FCF1: variants seen among roughly 807,000 people sequenced by gnomAD.
The protein encoded by FCF1 is FCF1 rRNA-processing protein, also known as rRNA-processing protein FCF1 homolog.
Under a neutral mutation model 32.5 loss-of-function variants are expected in FCF1, and 17 were observed. The observed-to-expected ratio is 0.52, with a 90% CI of 0.36 to 0.78. The LOEUF (loss-of-function observed/expected upper bound fraction) is 0.78. Among genes scored for constraint, FCF1 ranks in the 30% least tolerant of loss-of-function variants. The pLI, the probability that FCF1 is intolerant of heterozygous loss-of-function variation, is 0.00. For synonymous variants in FCF1, 84 were observed against 78.4 expected, an observed-to-expected ratio of 1.07 and a Z score of -0.38; for missense variants, 201 against 241.1, an observed-to-expected ratio of 0.83 and a Z score of 1.10.
chr14:74,718,913 G>T (rs549015137), intron 4 of FCF1, among the ~76,000 whole-genome samples: 8 of 151,840 alleles, frequency 5.3e-5, no homozygotes, highest in African/African-American at 1.9e-4. Flanking sequence ...TAATCCTAGT[G>T]CTTTTCAGGA....
intron 6 of FCF1, 131 bp from the exon 7 acceptor site, chr14:74,733,945 T>C: frequency 3.3e-6 from 2 of 602,030 alleles, no homozygotes; most frequent in South Asian, 2.3e-5. Context: ...AACAAATTGT[T>C]ATAGCCTGCC....
chr14:74,713,208 A>T lies in FCF1; in HGVS notation c.3+8A>T, dbSNP rs1411405353. On this transcript the variant is annotated splice_region_variant and intron_variant, in intron 1 of 7. Coordinates refer to ENST00000341162, the MANE Select transcript of FCF1 (RefSeq NM_015962.5). Reference sequence around the variant, plus strand: ...GAGTTTGGCGTGACCATGGTGAGAGAAGACGGTCCAAGAAGGGACGTTATC... The same window carrying T: ...GAGTTTGGCGTGACCATGGTGAGAGTAGACGGTCCAAGAAGGGACGTTATC... 7 of 1,614,224 alleles carry T rather than the reference A, an allele frequency of 4.3e-6. No individual in the cohort carries two copies. Among genetic ancestry groups the T allele is most frequent in the Non-Finnish European group, 3.4e-6 (4 of 1,180,052 alleles).
At position 74,723,351 on chromosome 14, in the gene FCF1, A is replaced by G; in HGVS notation, c.365+7A>G. The G allele has an allele frequency of 2.5e-6, 4 of 1,605,988 alleles. No homozygotes were observed. The highest frequency in any genetic ancestry group is 3.4e-6 in the Non-Finnish European group (4 of 1,172,954). On this transcript the variant is annotated splice_region_variant and intron_variant, in intron 5 of 7. Transcript: ENST00000341162. ...AGTATCGAGTGGCTCTAAGGTAGGAAGGAGGTAAACTAGATCTGTTCTAGA... is the reference window on the plus strand; with the variant it reads ...AGTATCGAGTGGCTCTAAGGTAGGAGGGAGGTAAACTAGATCTGTTCTAGA...
rs374933791 is a variant in FCF1 at position 74,736,749 on chromosome 14, G to A, written c.*1819G>A. 15 of 151,986 alleles carry A rather than the reference G, an allele frequency of 9.9e-5. No individual in the cohort carries two copies. Among genetic ancestry groups the A allele is most frequent in the African/African-American group, 2.9e-4 (12 of 41,454 alleles). 9.4% of individuals were successfully genotyped at this position (151,986 alleles called of 1,614,324 possible). A position where few individuals can be genotyped will look rare whatever the true frequency, so the allele number is the denominator to read the frequency against. On this transcript the variant is annotated 3_prime_UTR_variant, in exon 8 of 8. Coordinates refer to ENST00000341162, the MANE Select transcript of FCF1 (RefSeq NM_015962.5). ...CTGATGATTGCTCACATAATTTGGCGGTCATTGTTTTATACTGACTTACTC... is the reference window on the plus strand; with the variant it reads ...CTGATGATTGCTCACATAATTTGGCAGTCATTGTTTTATACTGACTTACTC...
Position 74,725,771 on chromosome 14 carries a change from A to T in FCF1, c.365+2427A>T, listed in dbSNP as rs557079676. 2.6e-5 allele frequency among the ~76,000 whole-genome samples: 4 copies of T among 152,044 alleles called. No individual in the cohort carries two copies. In the South Asian group the frequency reaches 8.3e-4, roughly 32 times the overall value. On this transcript the variant is annotated intron_variant, in intron 5 of 7. Transcript: ENST00000341162. ...AACACGGTGAAACCCTGTCTCTACT[A>T]AAAATACAAAAAAATTAGCCAAGCG...
intron 7 of FCF1, 129 bp downstream of exon 7, chr14:74,734,299 G>A (rs543819945): frequency 1.7e-6 from 1 of 576,442 alleles, no homozygotes; most frequent in Non-Finnish European, 3.0e-6. Context: ...AGTTATATTT[G>A]AAGAAATGAG....
At chr14:74,727,451 G>A (rs1566720025) in intron 5 of FCF1, among the ~76,000 whole-genome samples, 1 of 152,064 alleles carries the variant, frequency 6.6e-6, no homozygotes, top group Non-Finnish European at 1.5e-5. Flanking sequence ...TTTTGATGGG[G>A]TTGTTTGTTT....
intron 3 of FCF1, chr14:74,715,553 CTG>C: frequency 3.0e-6 from 1 of 336,404 alleles, no homozygotes; most frequent in Non-Finnish European, 5.7e-6. Flanking sequence ...ACTAGACAAA[CTG>C]TTCTCTATCA....
rs919468460 is a variant in FCF1 at position 74,723,329 on chromosome 14, A to T, written c.350A>T (p.Tyr117Phe). 1.2e-6 allele frequency: 2 copies of T among 1,613,256 alleles called. No homozygotes were observed. The highest frequency in any genetic ancestry group is 1.7e-5 in the Admixed American group (1 of 60,000). ...MAEIEKLGQK[Y>F]RVALRIAKDP... ...GAAATTGAGAAATTGGGGCAGAAGT[A>T]TCGAGTGGCTCTAAGGTAGGAAGGA... Residue 117 changes from tyrosine to phenylalanine, a missense_variant, in exon 5 of 8, where the codon TAT (tyrosine) becomes TTT (phenylalanine). Physicochemically the swap from Tyr to Phe is conservative, Grantham distance 22 (BLOSUM62 3). Coordinates refer to ENST00000341162, the MANE Select transcript of FCF1 (RefSeq NM_015962.5).
chr14:74,716,193 C>A, intron 4 of FCF1, 94 bp downstream of exon 4: 3 of 1,204,298 alleles, frequency 2.5e-6, no homozygotes, highest in East Asian at 2.4e-5. Context: ...TTCTTGTTAA[C>A]TGAATTGCTG....
chr14:74,721,906 A>G (rs902612852), intron 4 of FCF1, among the ~76,000 whole-genome samples: 1 of 152,178 alleles, frequency 6.6e-6, no homozygotes, highest in Admixed American at 6.5e-5. Context: ...TTTAGGATAC[A>G]TTGTCTGGAA....
intron 7 of FCF1, among the ~76,000 whole-genome samples, chr14:74,734,519 T>A (rs1470849831): frequency 2.1e-5 from 3 of 144,588 alleles, no homozygotes; most frequent in Admixed American, 6.9e-5. Flanking sequence ...AAAGCTTATT[T>A]AAAAAAAAAA....
chr14:74,729,908 C>T (rs1392305984), intron 5 of FCF1, among the ~76,000 whole-genome samples: 4 of 152,174 alleles, frequency 2.6e-5, no homozygotes, highest in East Asian at 1.9e-4. Flanking sequence ...TGTAGTTGTG[C>T]GGTTTTGAGT....
At chr14:74,731,789 T>C (rs1159911703) in intron 5 of FCF1, among the ~76,000 whole-genome samples, 2 of 152,176 alleles carry the variant, frequency 1.3e-5, no homozygotes, top group Non-Finnish European at 2.9e-5. Flanking sequence ...TACTGCAATA[T>C]GGAGGAGTAT....
chr14:74,720,149 A>G (rs182689642), intron 4 of FCF1, among the ~76,000 whole-genome samples: 8 of 152,304 alleles, frequency 5.3e-5, no homozygotes, highest in Non-Finnish European at 1.2e-4. Flanking sequence ...AAGAAAATGG[A>G]TCCTGTATTA....
Position 74,736,393 on chromosome 14 carries a change from C to T in FCF1, c.*1463C>T, listed in dbSNP as rs1378628964. ...CGCCACTGCATTCCAGCCTGGGTGA[C>T]AGAGTGAGACTGTCTCAAAAAAAAA... On this transcript the variant is annotated 3_prime_UTR_variant, in exon 8 of 8. Transcript: ENST00000341162. The T allele has an allele frequency of 1.3e-5, 2 of 148,868 alleles. No individual in the cohort carries two copies. Among genetic ancestry groups the T allele is most frequent in the African/African-American group, 5.0e-5 (2 of 40,172 alleles). The allele number at this position is 148,868 out of a possible 1,614,324, so 9.2% of individuals were successfully genotyped here. A position where few individuals can be genotyped will look rare whatever the true frequency, so the allele number is the denominator to read the frequency against.
In FCF1 at chr14:74,715,957, A is replaced by T; in HGVS notation, c.150A>T (p.Gln50His). The T allele has an allele frequency of 6.2e-7, 1 of 1,613,744 alleles. No homozygotes were observed. Among genetic ancestry groups the T allele is most frequent in the South Asian group, 1.1e-5 (1 of 91,046 alleles). Residue 50 changes from glutamine (Q) to histidine (H), a missense_variant, in exon 4 of 8, where the codon CAA becomes CAT. Physicochemically the swap from Gln to His is conservative, Grantham distance 24 (BLOSUM62 0). Coordinates refer to ENST00000341162, the MANE Select transcript of FCF1 (RefSeq NM_015962.5). ...PSALKEREVP[Q>H]HPSCLFFQYN... ...TGTTTTCTTTTTCCTTCAGTCCCCAACACCCTTCCTGCTTATTTTTCCAAT... is the reference window on the plus strand; with the variant it reads ...TGTTTTCTTTTTCCTTCAGTCCCCATCACCCTTCCTGCTTATTTTTCCAAT...
At chr14:74,730,860 A>G (rs1389685180) in intron 5 of FCF1, among the ~76,000 whole-genome samples, 2 of 152,132 alleles carry the variant, frequency 1.3e-5, no homozygotes, top group African/African-American at 4.8e-5. Context: ...TTAGCTGGGC[A>G]TGGTGGCGCA....
intron 4 of FCF1, among the ~76,000 whole-genome samples, chr14:74,720,983 A>G (rs1427699983): frequency 6.6e-6 from 1 of 150,806 alleles, no homozygotes; most frequent in African/African-American, 2.4e-5. Context: ...GGTTCAAGCA[A>G]TTCTCATGCC....
Sources: allele counts gnomAD v4.1 joint callset (sites outside exome capture counted in the v4.1 genomes callset), GRCh38; gene constraint gnomAD v4.1.1; transcripts MANE v1.5; gene names NCBI Gene and HGNC (gene_info 2026-07-23, HGNC 2026-07-21).